SLCO5A1: variants seen among roughly 807,000 people sequenced by gnomAD.
The protein encoded by SLCO5A1 is organic anion transporter polypeptide-related protein 4.
A neutral mutation model predicts 65.1 loss-of-function variants in SLCO5A1; 39 were observed. The observed-to-expected ratio is 0.60, with a 90% CI of 0.46 to 0.78. The LOEUF (loss-of-function observed/expected upper bound fraction) is 0.78, where lower values mean the gene tolerates loss of function less well. Ranked by LOEUF, SLCO5A1 falls within the 30% of genes least tolerant of loss-of-function variation. The pLI is 0.00. For synonymous variants in SLCO5A1, 438 were observed against 415.7 expected (o/e 1.05, Z -0.65); for missense variants, 1,029 against 1,069.4 (o/e 0.96, Z 0.53).
At chr8:69,808,601 C>T (rs1391460290) in intron 2 of SLCO5A1, among the ~76,000 whole-genome samples, 1 of 152,132 alleles carries the variant, frequency 6.6e-6, no homozygotes, top group African/African-American at 2.4e-5. Flanking sequence ...CACATCTTTG[C>T]TATTGTGAAT....
At chr8:69,731,656 G>T (rs1290592775) in intron 5 of SLCO5A1, among the ~76,000 whole-genome samples, 5 of 152,172 alleles carry the variant, frequency 3.3e-5, no homozygotes, top group Non-Finnish European at 5.9e-5. Flanking sequence ...AATTCAGCAT[G>T]ATATTAATAC....
At position 69,755,650 on chromosome 8, in the gene SLCO5A1, T is replaced by C; in HGVS notation, c.1041-9A>G. ...GGAGGAATCCACTCCACCTAAAAAA[T>C]TGGAAAATGTGAATAGCATTTACGT... On this transcript the variant is annotated splice_polypyrimidine_tract_variant and intron_variant, in intron 3 of 9. Coordinates refer to ENST00000260126, the MANE Select transcript of SLCO5A1 (RefSeq NM_030958.3). 1.2e-6 allele frequency: 2 copies of C among 1,602,966 alleles called. No individual in the cohort carries two copies. The highest frequency in any genetic ancestry group is 2.2e-5 in the East Asian group (1 of 44,716).
chr8:69,723,253 T>C (rs1246629285), intron 5 of SLCO5A1, among the ~76,000 whole-genome samples: 1 of 152,168 alleles, frequency 6.6e-6, no homozygotes, highest in Non-Finnish European at 1.5e-5. Context: ...TTTCTTTTTT[T>C]ATTTTATTTA....
At position 69,832,000 on chromosome 8, in the gene SLCO5A1, T is replaced by C. The variant is rs1483819547; in HGVS notation, c.674A>G (p.Gln225Arg). ...GTTGGGGGCCGAGGCGTTCAACTCT[T>C]GGATCTGGTAGGGGGGCGAGATGAA... ...PHFISPPYQI[Q>R]ELNASAPNDG... Residue 225 changes from glutamine to arginine, a missense_variant, in exon 2 of 10, where the codon CAA becomes CGA. Physicochemically the swap from Gln to Arg is conservative, Grantham distance 43. Around this residue, in one of 3 missense-constraint regions of SLCO5A1, gnomAD observed 647 missense variants for 647.5 expected, o/e 1.00. Transcript: ENST00000260126. The C allele has an allele frequency of 3.1e-6, 5 of 1,597,618 alleles. No individual in the cohort carries two copies. The highest frequency in any genetic ancestry group is 4.3e-6 in the Non-Finnish European group (5 of 1,172,510).
intron 6 of SLCO5A1, among the ~76,000 whole-genome samples, chr8:69,703,161 T>G (rs574004968): frequency 1.7e-4 from 26 of 150,706 alleles, no homozygotes; most frequent in Middle Eastern, 3.4e-3. Context: ...GAAATAAAAG[T>G]TAAGGTTTTC....
At chr8:69,798,127 G>T (rs538589898) in intron 2 of SLCO5A1, among the ~76,000 whole-genome samples, 4 of 152,040 alleles carry the variant, frequency 2.6e-5, no homozygotes, top group African/African-American at 9.7e-5. Context: ...ATGAAATATC[G>T]GGGGTGAATT....
At chr8:69,756,420 G>A (rs1817543621) in intron 3 of SLCO5A1, among the ~76,000 whole-genome samples, 1 of 152,030 alleles carries the variant, frequency 6.6e-6, no homozygotes, top group African/African-American at 2.4e-5. Flanking sequence ...AAAATAAAAA[G>A]AGAATGTATT....
intron 5 of SLCO5A1, among the ~76,000 whole-genome samples, chr8:69,716,752 T>C (rs1362232430): frequency 6.6e-6 from 1 of 151,808 alleles, no homozygotes; most frequent in Admixed American, 6.6e-5. Flanking sequence ...TTTGCAAATA[T>C]TTTCTCCCAT....
chr8:69,707,612 G>A (rs1450448759), intron 5 of SLCO5A1, among the ~76,000 whole-genome samples: 2 of 152,190 alleles, frequency 1.3e-5, no homozygotes, highest in Non-Finnish European at 2.9e-5. Context: ...CTGAGCTGCG[G>A]CTGACAGGAT....
At chr8:69,740,578 G>C (rs1465253943) in intron 4 of SLCO5A1, among the ~76,000 whole-genome samples, 1 of 152,158 alleles carries the variant, frequency 6.6e-6, no homozygotes, top group East Asian at 1.9e-4. Context: ...AGGCTTAGAA[G>C]TAATGACACC....
At chr8:69,708,149 C>A (rs1458924124) in intron 5 of SLCO5A1, among the ~76,000 whole-genome samples, 2 of 152,052 alleles carry the variant, frequency 1.3e-5, no homozygotes, top group African/African-American at 2.4e-5. Flanking sequence ...GCCACAGAGG[C>A]CAGAGGAAAT....
chr8:69,702,846 T>A (rs1426165081), intron 6 of SLCO5A1, among the ~76,000 whole-genome samples: 2 of 152,126 alleles, frequency 1.3e-5, no homozygotes, highest in East Asian at 1.9e-4. Context: ...CAGTGGCTCA[T>A]GCCTGTAATC....
chr8:69,755,087 T>A (rs1436829716), intron 4 of SLCO5A1, among the ~76,000 whole-genome samples: 2 of 152,236 alleles, frequency 1.3e-5, no homozygotes, highest in Non-Finnish European at 2.9e-5. Flanking sequence ...TCTAAATCAG[T>A]GCTTCTCAAA....
chr8:69,737,952 C>T (rs1254010354), intron 5 of SLCO5A1, 88 bp downstream of exon 5: 8 of 1,408,320 alleles, frequency 5.7e-6, no homozygotes, highest in Non-Finnish European at 6.8e-6. Context: ...CTTAACACTT[C>T]GATGTTAGAT....
At position 69,809,360 on chromosome 8, in the gene SLCO5A1, A is replaced by C. The variant is rs140062001; in HGVS notation, c.907+22407T>G. On this transcript the variant is annotated intron_variant, in intron 2 of 9. Transcript: ENST00000260126. ...AGATAGAGTGACAATTTATCTTTTA[A>C]GTATCTGAAAAGATATCATCACTGA... is the stretch of plus-strand genomic sequence containing the variant. Among the ~76,000 whole-genome samples, 9 of 152,338 alleles carry C rather than the reference A, an allele frequency of 5.9e-5. No individual in the cohort carries two copies. In the East Asian group the frequency reaches 1.7e-3, roughly 29 times the overall value.
At position 69,673,615 on chromosome 8, in the gene SLCO5A1, T is replaced by A. The variant is rs1379228460; in HGVS notation, c.2090-289A>T. ...CCCTTTAAATATATACAATTGTATT[T>A]GTCAAGTATACCTCAATAAAGCTGA... is the stretch of plus-strand genomic sequence containing the variant. On this transcript the variant is annotated intron_variant, in intron 9 of 9. Coordinates refer to ENST00000260126, the MANE Select transcript of SLCO5A1 (RefSeq NM_030958.3). Among the ~76,000 whole-genome samples the A allele has an allele frequency of 2.6e-5, 4 of 152,316 alleles. No individual in the cohort carries two copies. In the East Asian group the frequency reaches 7.7e-4, roughly 29 times the overall value.
chr8:69,680,134 TC>T (rs1438605336), intron 7 of SLCO5A1, among the ~76,000 whole-genome samples: 1 of 152,240 alleles, frequency 6.6e-6, no homozygotes, highest in Admixed American at 6.5e-5. Context: ...CGTTTTCTTT[TC>T]TTTTTCAACT....
intron 5 of SLCO5A1, among the ~76,000 whole-genome samples, chr8:69,720,212 A>C (rs1156910510): frequency 2.0e-5 from 3 of 152,248 alleles, no homozygotes; most frequent in African/African-American, 7.2e-5. Context: ...ATAAGAAGTA[A>C]ATGCAATAAA....
chr8:69,770,825 C>T (rs1161331911), intron 2 of SLCO5A1, among the ~76,000 whole-genome samples: 1 of 152,154 alleles, frequency 6.6e-6, no homozygotes, highest in African/African-American at 2.4e-5. Flanking sequence ...TCATTTTCTT[C>T]TTAAATTACT....
Sources: gnomAD v4.1 joint callset for allele counts (sites outside exome capture counted in the v4.1 genomes callset) on GRCh38, gnomAD v4.1.1 for gene constraint, gnomAD v4.1.1 regional missense constraint, MANE v1.5 for transcripts, NCBI Gene and HGNC (gene_info 2026-07-23, HGNC 2026-07-21) for gene names.